BDP1: variants seen among roughly 807,000 people sequenced by gnomAD.
The protein encoded by BDP1 is transcription factor TFIIIB component B'' homolog.
BDP1 carries 169 observed loss-of-function variants against 266.6 expected under a neutral mutation model. The ratio of observed to expected loss-of-function variants is 0.63; its 90% CI spans 0.56 to 0.72. The LOEUF (loss-of-function observed/expected upper bound fraction) is 0.72. Ranked by LOEUF, BDP1 falls within the 30% of genes least tolerant of loss-of-function variation. BDP1 has a pLI of 0.00. For synonymous variants in BDP1, 1,090 were observed against 1,022.4 expected (o/e 1.07, Z -1.26); for missense variants, 3,015 against 3,053.8 (o/e 0.99, Z 0.30).
In BDP1 at chr5:71,545,177, G is replaced by T; in HGVS notation, c.6702G>T (p.Lys2234Asn). ...ATTCTGTTGAAGAGCCCCAGATAAA[G>T]GACTCTAAAGGAGACAGTGTGCTTA... ...GENSVEEPQI[K>N]DSKGDSVLTL... Residue 2234 changes from lysine to asparagine, a missense_variant, in exon 32 of 39, where the codon AAG becomes AAT. Lys to Asn is a moderately conservative substitution (Grantham distance 94, BLOSUM62 0). This residue lies in a region of BDP1 where 629 missense variants were observed against 632.5 expected (regional missense o/e 0.99). Transcript: ENST00000358731. The T allele has an allele frequency of 1.2e-6, 2 of 1,613,374 alleles. No individual in the cohort carries two copies. Among genetic ancestry groups the T allele is most frequent in the Non-Finnish European group, 1.7e-6 (2 of 1,179,926 alleles).
At chr5:71,480,237 A>G (rs1762862928) in intron 7 of BDP1, among the ~76,000 whole-genome samples, 1 of 149,276 alleles carries the variant, frequency 6.7e-6, no homozygotes, top group African/African-American at 2.5e-5. Context: ...CAGCTTCCCA[A>G]GTAGCTGGGA....
intron 7 of BDP1, chr5:71,476,459 C>T (rs913840098): frequency 6.6e-6 from 1 of 152,208 alleles, no homozygotes; most frequent in Non-Finnish European, 1.5e-5. Context: ...GTTGCATTCA[C>T]CAACCACGAA....
intron 7 of BDP1, among the ~76,000 whole-genome samples, chr5:71,475,225 G>A (rs914555734): frequency 6.6e-6 from 1 of 151,932 alleles, no homozygotes; most frequent in South Asian, 2.1e-4. Flanking sequence ...CTCCCACCTC[G>A]GCTTCCTAGG....
At chr5:71,467,236 T>G (rs1463607736) in intron 5 of BDP1, 118 bp from the exon 6 acceptor site, 6 of 794,374 alleles carry the variant, frequency 7.6e-6, no homozygotes, top group Middle Eastern at 3.5e-4. Flanking sequence ...CACATAGGTA[T>G]TATTATGCCT....
intron 37 of BDP1, among the ~76,000 whole-genome samples, chr5:71,561,380 A>G (rs1486638223): frequency 6.6e-6 from 1 of 152,208 alleles, no homozygotes; most frequent in Non-Finnish European, 1.5e-5. Flanking sequence ...CAGCCTGGGC[A>G]ACAAGAGCGA....
intron 1 of BDP1, among the ~76,000 whole-genome samples, chr5:71,458,325 A>G (rs892652534): frequency 6.6e-6 from 1 of 152,084 alleles, no homozygotes; most frequent in Non-Finnish European, 1.5e-5. Flanking sequence ...TAAGCCTATA[A>G]TTATGTGCTG....
Position 71,486,609 on chromosome 5 carries a change from C to G in BDP1, c.1195C>G (p.Pro399Ala). Residue 399 changes from proline to alanine, a missense_variant, in exon 9 of 39, where the codon CCA becomes GCA. Pro to Ala is a conservative substitution (Grantham distance 27). Coordinates refer to ENST00000358731, the MANE Select transcript of BDP1 (RefSeq NM_018429.3). ...TTTAAAGGAGAAGAAATCCACCAAA[C>G]CACGGAAAAATGTAAAAGGTATTGA... ...HSLKEKKSTK[P>A]RKNVKVKKVA... is the part of the protein sequence containing the mutation. 6.6e-7 allele frequency: 1 copy of G among 1,525,844 alleles called. No individual in the cohort carries two copies. Among genetic ancestry groups the G allele is most frequent in the Non-Finnish European group, 8.7e-7 (1 of 1,149,950 alleles). 94.5% of individuals were successfully genotyped at this position (1,525,844 alleles called of 1,614,324 possible).
downstream of BDP1, among the ~76,000 whole-genome samples, chr5:71,572,636 T>C (rs1209418638): frequency 1.3e-5 from 2 of 152,316 alleles, no homozygotes; most frequent in African/African-American, 4.8e-5. Context: ...AAAGTTTCGT[T>C]GAAACAAACT....
chr5:71,560,156 A>G lies in BDP1; in HGVS notation c.7415A>G (p.Asp2472Gly). 3 of 1,614,166 alleles carry G rather than the reference A, an allele frequency of 1.9e-6. No individual in the cohort carries two copies. Among genetic ancestry groups the G allele is most frequent in the Non-Finnish European group, 2.5e-6 (3 of 1,180,010 alleles). The change falls in exon 37 of 39, where the codon GAT becomes GGT. Residue 2472 changes from aspartate (D) to glycine (G), a missense_variant. Asp to Gly is a moderately conservative substitution (Grantham distance 94). Transcript: ENST00000358731. ...CCTCAGGATGAAATGATTGTGTCTGATAAGGAAGAAAGAACTGATGCTGCT... is the reference window on the plus strand; with the variant it reads ...CCTCAGGATGAAATGATTGTGTCTGGTAAGGAAGAAAGAACTGATGCTGCT... ...QLPQDEMIVS[D>G]KEERTDAAPK... is the part of the protein sequence containing the mutation.
At chr5:71,526,541 G>A (rs1238514546) in intron 25 of BDP1, among the ~76,000 whole-genome samples, 3 of 143,746 alleles carry the variant, frequency 2.1e-5, no homozygotes, top group African/African-American at 7.6e-5. Context: ...GCTTGAACCC[G>A]GGAAGCGGAG....
At position 71,502,654 on chromosome 5, in the gene BDP1, G is replaced by A; in HGVS notation, c.2104G>A (p.Val702Ile). ...GAGTCAACTAAAGGCTTTAAGACCT[G>A]TACAAGTGAGGGGCCGATTGCAAAA... ...EGSQLKALRP[V>I]QVRGRLQKPK... The change falls in exon 15 of 39, where the codon GTA (valine) becomes ATA (isoleucine). Residue 702 changes from valine to isoleucine, a missense_variant. Transcript: ENST00000358731. The A allele has an allele frequency of 6.2e-7, 1 of 1,614,062 alleles. No individual in the cohort carries two copies. Among genetic ancestry groups the A allele is most frequent in the Non-Finnish European group, 8.5e-7 (1 of 1,179,996 alleles).
At chr5:71,561,033 A>C (rs1470303393) in intron 37 of BDP1, among the ~76,000 whole-genome samples, 8 of 151,960 alleles carry the variant, frequency 5.3e-5, no homozygotes. Flanking sequence ...TTGAGATTGC[A>C]GTGAGCTATG....
chr5:71,477,439 G>T (rs771392847), intron 7 of BDP1, among the ~76,000 whole-genome samples: 2 of 152,074 alleles, frequency 1.3e-5, no homozygotes, highest in African/African-American at 4.8e-5. Context: ...ATGAGACACT[G>T]CACTTAGCCC....
At chr5:71,550,660 A>G (rs1742678975) in intron 34 of BDP1, among the ~76,000 whole-genome samples, 1 of 152,190 alleles carries the variant, frequency 6.6e-6, no homozygotes. Context: ...CTTAACTACC[A>G]TTAATTAAGA....
At chr5:71,541,896 A>C (rs1473344588) in intron 29 of BDP1, among the ~76,000 whole-genome samples, 1 of 152,180 alleles carries the variant, frequency 6.6e-6, no homozygotes, top group African/African-American at 2.4e-5. Flanking sequence ...ATTTATGTAA[A>C]TGTCTCTGTT....
intron 1 of BDP1, among the ~76,000 whole-genome samples, chr5:71,456,848 C>CT (rs1257855213): frequency 8.5e-5 from 13 of 152,168 alleles, no homozygotes; most frequent in Non-Finnish European, 1.9e-4. Flanking sequence ...AAGATGGTCT[C>CT]TGTTTCTATA....
At chr5:71,504,047 C>T (rs903529736) in intron 15 of BDP1, among the ~76,000 whole-genome samples, 4 of 151,098 alleles carry the variant, frequency 2.6e-5, no homozygotes, top group African/African-American at 9.8e-5. Flanking sequence ...CCGAGGTGGG[C>T]GGATCACGAG....
Position 71,510,896 on chromosome 5 carries a change from A to G in BDP1, c.3804A>G (p.Val1268=), listed in dbSNP as rs1399070517. The G allele has an allele frequency of 1.9e-6, 3 of 1,613,742 alleles. No individual in the cohort carries two copies. The highest frequency in any genetic ancestry group is 1.7e-6 in the Non-Finnish European group (2 of 1,179,808). ...GAGACATTCCCATCATGGAGAAAGT[A>G]TCAGGAAAGATGGCTGTTGTTGAAG... ...GKRDIPIMEK[V]SGKMAVVEEM... is the part of the protein sequence containing the mutation. Residue 1268 remains valine (V), a synonymous_variant, in exon 17 of 39, where the codon GTA becomes GTG. Coordinates refer to ENST00000358731, the MANE Select transcript of BDP1 (RefSeq NM_018429.3).
At chr5:71,505,036 C>T (rs140699095) in intron 16 of BDP1, among the ~76,000 whole-genome samples, 27 of 152,132 alleles carry the variant, frequency 1.8e-4, no homozygotes, top group Non-Finnish European at 2.6e-4. Context: ...TTTTTTGAGA[C>T]GGAGTTTCAC....
Sources: allele counts gnomAD v4.1 joint callset (sites outside exome capture counted in the v4.1 genomes callset), GRCh38; gene constraint gnomAD v4.1.1; regional missense constraint gnomAD v4.1.1; transcripts MANE v1.5; gene names NCBI Gene and HGNC (gene_info 2026-07-23, HGNC 2026-07-21).